MFSD2B: variants seen among roughly 807,000 people sequenced by gnomAD.
The protein encoded by MFSD2B is sphingosine-1-phosphate transporter MFSD2B.
A neutral mutation model predicts 58.4 loss-of-function variants in MFSD2B; 56 were observed. That is an observed-to-expected ratio of 0.96 (90% CI 0.77 to 1.20). The LOEUF (loss-of-function observed/expected upper bound fraction) is 1.20. Ranked by LOEUF, MFSD2B falls within the 50% of genes most tolerant of loss-of-function variation. The probability of loss-of-function intolerance (pLI) is 0.00; values close to 1 mark genes in which losing one functional copy is unlikely to be tolerated. For missense variants in MFSD2B, 645 were observed against 667.6 expected (o/e 0.97, Z 0.37); for synonymous variants, 287 against 294.4 (o/e 0.97, Z 0.26).
At chr2:24,016,021 T>A (rs771407901) in intron 2 of MFSD2B, 135 bp from the exon 3 acceptor site, 2 of 1,102,434 alleles carry the variant, frequency 1.8e-6, no homozygotes, top group Non-Finnish European at 2.7e-6. Flanking sequence ...TGGGGAAGGC[T>A]GAGGAGCCCT....
At chr2:24,013,194 C>T (rs1220529772) in intron 1 of MFSD2B, 91 bp from the exon 2 acceptor site, 3 of 1,341,972 alleles carry the variant, frequency 2.2e-6, no homozygotes, top group Admixed American at 2.2e-5. Context: ...GAAGACATCA[C>T]AGAGACTCAG....
chr2:24,023,724 GGAGT>G lies in MFSD2B; in HGVS notation c.1313+3_1313+6del. On this transcript the variant is annotated splice_donor_variant and coding_sequence_variant, in exon 12 of 14. Transcript: ENST00000338315. LOFTEE classifies it high-confidence loss of function. This position sits in a 1 kb window ranked among gnomAD's most constrained non-coding sequence, Gnocchi z 5.0. ...CCCTGGGCATCTCCACCCTCAGTCT[GGAGT>G]GAGTCCCAGGGTTAGGATACAGCAG... 1 of 1,613,760 alleles carries G rather than the reference GGAGT, an allele frequency of 6.2e-7. No homozygotes were observed. The highest frequency in any genetic ancestry group is 8.5e-7 in the Non-Finnish European group (1 of 1,179,748).
In MFSD2B at chr2:24,010,150, C is replaced by G; in HGVS notation, c.54C>G (p.His18Gln). The G allele has an allele frequency of 6.9e-7, 1 of 1,457,844 alleles. No individual in the cohort carries two copies. The highest frequency in any genetic ancestry group is 1.5e-5 in the African/African-American group (1 of 67,980). The allele number at this position is 1,457,844 out of a possible 1,614,324, so 90.3% of individuals were successfully genotyped here. A position where few individuals can be genotyped will look rare whatever the true frequency, so the allele number is the denominator to read the frequency against. Residue 18 changes from histidine to glutamine, a missense_variant, in exon 1 of 14, where the codon CAC (histidine) becomes CAG (glutamine). By Grantham distance (24) the His-to-Gln change is conservative (BLOSUM62 0). Coordinates refer to ENST00000338315, the MANE Select transcript of MFSD2B (RefSeq NM_001346880.2). ...AGGGGTCCCCGCAGCCGGAGCCGCA[C>G]GCCCCAGAGCCCGGCCCGGGGAGCG... ...AAKGSPQPEP[H>Q]APEPGPGSAK...
Position 24,012,003 on chromosome 2 carries a change from GT to G in MFSD2B, c.97-1281del, listed in dbSNP as rs1708969629. Among the ~76,000 whole-genome samples, 1 of 152,154 alleles carries G rather than the reference GT, an allele frequency of 6.6e-6. No homozygotes were observed. Among genetic ancestry groups the G allele is most frequent in the Non-Finnish European group, 1.5e-5 (1 of 68,028 alleles). ...TTTGAGGAATAGGAAGGAGCCCGGC[GT>G]GGCTGAAGGAGAGCTATTTGAGGTG... On this transcript the variant is annotated intron_variant, in intron 1 of 13. Transcript: ENST00000338315. This position sits in a 1 kb window ranked among gnomAD's most constrained non-coding sequence, Gnocchi z 4.5.
rs1200709843 is a variant in MFSD2B at position 24,024,275 on chromosome 2, A to G, written c.1490+4A>G. 6.3e-7 allele frequency: 1 copy of G among 1,596,384 alleles called. No homozygotes were observed. Among genetic ancestry groups the G allele is most frequent in the South Asian group, 1.1e-5 (1 of 88,718 alleles). On this transcript the variant is annotated splice_donor_region_variant and intron_variant, in intron 13 of 13. Transcript: ENST00000338315. The surrounding 1 kb of genome is among the most constrained non-coding windows in gnomAD (Gnocchi z 4.3). The stretch of plus-strand genomic sequence containing the variant: ...CCAGCCGGCTGAGCCTTCGGAGGTA[A>G]GCCCCGCACGCCCCCTGCAGCCAGC...
intron 2 of MFSD2B, 112 bp from the exon 3 acceptor site, chr2:24,016,044 T>C: frequency 7.4e-7 from 1 of 1,349,940 alleles, no homozygotes; most frequent in Admixed American, 1.7e-5. Flanking sequence ...ACACTGTGGC[T>C]CTGCCCTCCG....
At position 24,013,389 on chromosome 2, in the gene MFSD2B, T is replaced by C. The variant is rs2150937396; in HGVS notation, c.201T>C (p.Leu67=). ...GCGCCACAGCCTTTTACCTGCAGCT[T>C]TTCCTGCTTGATATAGCACAGGTAA... ...ASSATAFYLQ[L]FLLDIAQIPA... The change falls in exon 2 of 14, where the codon CTT becomes CTC. Residue 67 remains leucine, a synonymous_variant. Coordinates refer to ENST00000338315, the MANE Select transcript of MFSD2B (RefSeq NM_001346880.2). 1 of 1,609,110 alleles carries C rather than the reference T, an allele frequency of 6.2e-7. No individual in the cohort carries two copies. The highest frequency in any genetic ancestry group is 2.2e-5 in the East Asian group (1 of 44,822).
intron 2 of MFSD2B, 92 bp downstream of exon 2, chr2:24,013,502 G>A (rs1709029735): frequency 7.6e-7 from 1 of 1,323,272 alleles, no homozygotes; most frequent in South Asian, 1.7e-5. Context: ...CACTATCCTT[G>A]TAGACAGCAC....
In MFSD2B at chr2:24,022,371, G is replaced by A; in HGVS notation, c.895-62G>A. Reference sequence around the variant, plus strand: ...ATGCCAGACTCCAGACCCTGTCCTTGCCCTTGACTTCTGAGCTCCTGCCAT... The same window carrying A: ...ATGCCAGACTCCAGACCCTGTCCTTACCCTTGACTTCTGAGCTCCTGCCAT... On this transcript the variant is annotated intron_variant, in intron 8 of 13. Coordinates refer to ENST00000338315, the MANE Select transcript of MFSD2B (RefSeq NM_001346880.2). This position sits in a 1 kb window ranked among gnomAD's most constrained non-coding sequence, Gnocchi z 4.5. 1 of 1,355,070 alleles carries A rather than the reference G, an allele frequency of 7.4e-7. No homozygotes were observed. The highest frequency in any genetic ancestry group is 1.0e-6 in the Non-Finnish European group (1 of 960,384). 83.9% of individuals were successfully genotyped at this position (1,355,070 alleles called of 1,614,324 possible).
intron 2 of MFSD2B, 111 bp downstream of exon 2, chr2:24,013,521 C>T (rs1709030388): frequency 8.5e-6 from 10 of 1,176,310 alleles, no homozygotes; most frequent in African/African-American, 1.5e-5. Context: ...ACTTCTGACA[C>T]GAGCTCAACA....
Position 24,023,416 on chromosome 2 carries a change from G to T in MFSD2B, c.1170-167G>T. The T allele has an allele frequency of 1.1e-6, 1 of 929,674 alleles. No individual in the cohort carries two copies. Among genetic ancestry groups the T allele is most frequent in the South Asian group, 1.6e-5 (1 of 62,782 alleles). The allele number at this position is 929,674 out of a possible 1,614,324, so 57.6% of individuals were successfully genotyped here. The stretch of plus-strand genomic sequence containing the variant: ...GTAGGAATGGCGGGGGGCCGGCAGG[G>T]GGCTGGCGGGGGGTACGAGCACACA... On this transcript the variant is annotated intron_variant, in intron 11 of 13. Coordinates refer to ENST00000338315, the MANE Select transcript of MFSD2B (RefSeq NM_001346880.2). The surrounding 1 kb of genome is among the most constrained non-coding windows in gnomAD (Gnocchi z 5.0).
rs534058879 is a variant in MFSD2B, at chr2:24,014,062, G to A, written c.222+652G>A. Among the ~76,000 whole-genome samples, 125 of 151,736 alleles carry A rather than the reference G, an allele frequency of 8.2e-4. 1 individual carries two copies. The highest frequency in any genetic ancestry group is 2.9e-3 in the African/African-American group (122 of 41,372). On this transcript the variant is annotated intron_variant, in intron 2 of 13. Coordinates refer to ENST00000338315, the MANE Select transcript of MFSD2B (RefSeq NM_001346880.2). Reference sequence around the variant, plus strand: ...GAGTCTCGCTCTGTCACCCAGGCTGGAGTGCAATGGCATGATCTCGGCTCA... The same window carrying A: ...GAGTCTCGCTCTGTCACCCAGGCTGAAGTGCAATGGCATGATCTCGGCTCA...
At chr2:24,011,004 G>A (rs1431308052) in intron 1 of MFSD2B, among the ~76,000 whole-genome samples, 2 of 152,236 alleles carry the variant, frequency 1.3e-5, no homozygotes, top group African/African-American at 2.4e-5. Context: ...TTAACAGCAA[G>A]AGGGAAACAC....
chr2:24,022,517 G>C lies in MFSD2B; in HGVS notation c.978+1G>C. ...CCAGGGCCTGGTACTAACTGTCCTG[G>C]TGAGGGGGCCTGGGGTGGTGGAGGC... On this transcript the variant is annotated splice_donor_variant, in intron 9 of 13. Coordinates refer to ENST00000338315, the MANE Select transcript of MFSD2B (RefSeq NM_001346880.2). LOFTEE classifies it high-confidence loss of function. This position sits in a 1 kb window ranked among gnomAD's most constrained non-coding sequence, Gnocchi z 4.5. 4 of 1,612,116 alleles carry C rather than the reference G, an allele frequency of 2.5e-6. No individual in the cohort carries two copies. The highest frequency in any genetic ancestry group is 2.5e-6 in the Non-Finnish European group (3 of 1,179,174).
Position 24,023,731 on chromosome 2 carries a change from G to A in MFSD2B, c.1313+5G>A, listed in dbSNP as rs1662885426. On this transcript the variant is annotated splice_donor_5th_base_variant and intron_variant, in intron 12 of 13. Coordinates refer to ENST00000338315, the MANE Select transcript of MFSD2B (RefSeq NM_001346880.2). The surrounding 1 kb of genome is among the most constrained non-coding windows in gnomAD (Gnocchi z 5.0). ...CATCTCCACCCTCAGTCTGGAGTGA[G>A]TCCCAGGGTTAGGATACAGCAGAGG... 1 of 1,613,552 alleles carries A rather than the reference G, an allele frequency of 6.2e-7. No individual in the cohort carries two copies. The highest frequency in any genetic ancestry group is 1.1e-5 in the South Asian group (1 of 91,050).
Position 24,016,730 on chromosome 2 carries a change from C to T in MFSD2B, c.348-115C>T, listed in dbSNP as rs1021814582. ...CTGCTCCTGGCTCCCACCCAGGGCG[C>T]CCCAGCCTAGGGATTCTCAAGGGGC... is the stretch of plus-strand genomic sequence containing the variant. On this transcript the variant is annotated intron_variant, in intron 3 of 13. Coordinates refer to ENST00000338315, the MANE Select transcript of MFSD2B (RefSeq NM_001346880.2). 3.7e-6 allele frequency: 5 copies of T among 1,346,108 alleles called. No individual in the cohort carries two copies. In the Admixed American group the frequency reaches 7.0e-5, roughly 19 times the overall value. 83.4% of individuals were successfully genotyped at this position (1,346,108 alleles called of 1,614,324 possible).
Position 24,017,763 on chromosome 2 carries a change from G to A in MFSD2B, c.681+175G>A, listed in dbSNP as rs577211551. ...TGAGCAGATGGCCCCCAAATCTAAC[G>A]TCCTCTGCTAAACCTGCCTCCTTCT... On this transcript the variant is annotated intron_variant, in intron 6 of 13. Coordinates refer to ENST00000338315, the MANE Select transcript of MFSD2B (RefSeq NM_001346880.2). The surrounding 1 kb of genome is among the most constrained non-coding windows in gnomAD (Gnocchi z 4.8). Among the ~76,000 whole-genome samples the A allele has an allele frequency of 7.6e-4, 116 of 152,224 alleles. 1 individual carries two copies. The highest frequency in any genetic ancestry group is 6.8e-3 in the Admixed American group (104 of 15,292).
chr2:24,017,018 G>C lies in MFSD2B; in HGVS notation c.471+50G>C. 6.2e-7 allele frequency: 1 copy of C among 1,608,140 alleles called. No individual in the cohort carries two copies. Among genetic ancestry groups the C allele is most frequent in the South Asian group, 1.1e-5 (1 of 90,968 alleles). ...TGTGCTCTGGCGAAGCCCATTGCTG[G>C]CCATGGCCACTCTGAAGTGTGCTGT... On this transcript the variant is annotated intron_variant, in intron 4 of 13. Coordinates refer to ENST00000338315, the MANE Select transcript of MFSD2B (RefSeq NM_001346880.2). The surrounding 1 kb of genome is among the most constrained non-coding windows in gnomAD (Gnocchi z 4.8).
rs773554688 is a variant in MFSD2B at position 24,016,975 on chromosome 2, A to G, written c.471+7A>G. 62 of 1,613,446 alleles carry G rather than the reference A, an allele frequency of 3.8e-5. No individual in the cohort carries two copies. Among genetic ancestry groups the G allele is most frequent in the Non-Finnish European group, 4.9e-5 (58 of 1,179,848 alleles). On this transcript the variant is annotated splice_region_variant and intron_variant, in intron 4 of 13. Transcript: ENST00000338315. Reference sequence around the variant, plus strand: ...GTTCCAGGCCCTGGCCACGGTAAGCAGGGCCCCTTCCTGGGCCTGTGCTCT... The same window carrying G: ...GTTCCAGGCCCTGGCCACGGTAAGCGGGGCCCCTTCCTGGGCCTGTGCTCT...
Sources: allele counts gnomAD v4.1 joint callset (sites outside exome capture counted in the v4.1 genomes callset), GRCh38; gene constraint gnomAD v4.1.1; non-coding constraint Gnocchi (gnomAD v3.1); transcripts MANE v1.5; gene names NCBI Gene and HGNC (gene_info 2026-07-23, HGNC 2026-07-21).